SCHIP1: variants seen among roughly 807,000 people sequenced by gnomAD.
SCHIP1 encodes schwannomin interacting protein 1.
A neutral mutation model predicts 29.7 loss-of-function variants in SCHIP1; 8 were observed. That is an observed-to-expected ratio of 0.27 (90% CI 0.16 to 0.49). The LOEUF (loss-of-function observed/expected upper bound fraction) is 0.49, where lower values mean the gene tolerates loss of function less well. Ranked by LOEUF, SCHIP1 falls within the 20% of genes least tolerant of loss-of-function variation. The pLI, the probability that SCHIP1 is intolerant of heterozygous loss-of-function variation, is 0.99. For missense variants in SCHIP1, 193 were observed against 294.6 expected (o/e 0.66, Z 2.52); for synonymous variants, 76 against 94.9 (o/e 0.80, Z 1.16).
the SCHIP1 span, among the ~76,000 whole-genome samples, chr3:159,627,948 T>G: frequency 6.6e-6 from 1 of 152,178 alleles, no homozygotes; most frequent in Non-Finnish European, 1.5e-5. Context: ...GAGGAAAGGG[T>G]TGGGCTTACT....
chr3:159,865,470 C>G (rs1261379412), intron 1 of SCHIP1, among the ~76,000 whole-genome samples: 1 of 152,150 alleles, frequency 6.6e-6, no homozygotes, highest in East Asian at 1.9e-4. Context: ...CTGACCTGAC[C>G]TCCCTTCAAA....
chr3:159,490,773 T>C, the SCHIP1 span, among the ~76,000 whole-genome samples: 1 of 151,814 alleles, frequency 6.6e-6, no homozygotes, highest in African/African-American at 2.4e-5. Context: ...TAGGGTGGAG[T>C]GAGAGGAATT....
chr3:159,707,228 G>C, the SCHIP1 span, among the ~76,000 whole-genome samples: 3 of 152,118 alleles, frequency 2.0e-5, no homozygotes, highest in Non-Finnish European at 4.4e-5. Flanking sequence ...GGAGAAAAGG[G>C]AAGAGCGGTC....
the SCHIP1 span, among the ~76,000 whole-genome samples, chr3:159,554,707 TCTTTC>T: frequency 6.6e-6 from 1 of 152,072 alleles, no homozygotes; most frequent in Non-Finnish European, 1.5e-5. Flanking sequence ...TGATGCCCCT[TCTTTC>T]CTTTGTATCT....
At position 159,876,887 on chromosome 3, in the gene SCHIP1, C is replaced by T. The variant is rs866809181; in HGVS notation, c.150-9320C>T. Among the ~76,000 whole-genome samples, 21 of 152,278 alleles carry T rather than the reference C, an allele frequency of 1.4e-4. No homozygotes were observed. In the Middle Eastern group the frequency reaches 0.01, roughly 74 times the overall value. ...GTGCATCACCTTCCAAGCCATCGTC[C>T]CCCCATCTGCAAGGTTTGATGCTGG... is the stretch of plus-strand genomic sequence containing the variant. On this transcript the variant is annotated intron_variant, in intron 2 of 6. Coordinates refer to ENST00000445224, the Ensembl canonical transcript of SCHIP1.
the SCHIP1 span, among the ~76,000 whole-genome samples, chr3:159,594,787 T>C: frequency 1.3e-4 from 20 of 152,136 alleles, no homozygotes; most frequent in Non-Finnish European, 2.9e-5. Flanking sequence ...AATACACAAA[T>C]TGTTCAGTCT....
At chr3:159,602,615 A>G in the SCHIP1 span, among the ~76,000 whole-genome samples, 2 of 151,948 alleles carry the variant, frequency 1.3e-5, no homozygotes, top group African/African-American at 4.8e-5. Flanking sequence ...AGGCTGAGGC[A>G]GGAGAATTGC....
chr3:159,831,487 A>G, the SCHIP1 span, among the ~76,000 whole-genome samples: 1 of 152,212 alleles, frequency 6.6e-6, no homozygotes, highest in African/African-American at 2.4e-5. Flanking sequence ...ATACATACCT[A>G]TTATAAAGTT....
At chr3:159,349,741 A>G in the SCHIP1 span, among the ~76,000 whole-genome samples, 1 of 152,094 alleles carries the variant, frequency 6.6e-6, no homozygotes, top group East Asian at 1.9e-4. Context: ...TCGGTTCATC[A>G]CCTCTAGGGT....
chr3:159,597,190 A>G, the SCHIP1 span, among the ~76,000 whole-genome samples: 2 of 152,112 alleles, frequency 1.3e-5, no homozygotes, highest in South Asian at 4.1e-4. Context: ...TAAAATATGA[A>G]ATATGGAAAC....
the SCHIP1 span, among the ~76,000 whole-genome samples, chr3:159,713,260 GAA>G: frequency 6.7e-6 from 1 of 148,202 alleles, no homozygotes; most frequent in Non-Finnish European, 1.5e-5. Flanking sequence ...AAGAAAGAAA[GAA>G]AGAAAGAAAG....
At chr3:159,711,377 AAAAAAAAAAAAAAAAAAAAAGAAATTT>A in the SCHIP1 span, among the ~76,000 whole-genome samples, 1 of 79,118 alleles carries the variant, frequency 1.3e-5, no homozygotes, top group South Asian at 3.6e-4. Context: ...AAAAAAAAAA[AAAAAAAAAAAAAAAAAAAAAGAAATTT>A]AAAAAAAAAA....
chr3:159,427,310 C>G, the SCHIP1 span, among the ~76,000 whole-genome samples: 2 of 151,550 alleles, frequency 1.3e-5, no homozygotes, highest in African/African-American at 2.4e-5. Flanking sequence ...CCCATTGTCT[C>G]AGCCCAAAAT....
At chr3:159,714,684 G>C in the SCHIP1 span, among the ~76,000 whole-genome samples, 7 of 152,248 alleles carry the variant, frequency 4.6e-5, no homozygotes, top group South Asian at 1.4e-3. Flanking sequence ...CAAGGCGGCA[G>C]CAAGGCTGGG....
chr3:159,674,934 C>T, the SCHIP1 span, among the ~76,000 whole-genome samples: 1 of 152,160 alleles, frequency 6.6e-6, no homozygotes, highest in Admixed American at 6.5e-5. Context: ...TTGGGAGCAA[C>T]TTTGTGCCAA....
the SCHIP1 span, chr3:159,765,312 G>C: frequency 8.1e-6 from 6 of 739,170 alleles, no homozygotes; most frequent in Non-Finnish European, 1.2e-5. Flanking sequence ...AAGGTTGCTC[G>C]GTCTGTGAGC....
At chr3:159,718,210 T>G in the SCHIP1 span, among the ~76,000 whole-genome samples, 5 of 152,284 alleles carry the variant, frequency 3.3e-5, no homozygotes, top group Admixed American at 3.3e-4. Context: ...CTCAATAAAT[T>G]AGGTATTGAT....
At chr3:159,423,197 C>G in the SCHIP1 span, among the ~76,000 whole-genome samples, 1 of 152,338 alleles carries the variant, frequency 6.6e-6, no homozygotes, top group Non-Finnish European at 1.5e-5. Flanking sequence ...GAGTGCCAGA[C>G]AGTGGGCACA....
At chr3:159,517,894 G>C in the SCHIP1 span, among the ~76,000 whole-genome samples, 2 of 152,052 alleles carry the variant, frequency 1.3e-5, no homozygotes, top group Admixed American at 1.3e-4. Context: ...AGTAAGTGTA[G>C]CTATCAATGC....
Sources: gnomAD v4.1 joint callset for allele counts (sites outside exome capture counted in the v4.1 genomes callset) on GRCh38, gnomAD v4.1.1 for gene constraint, MANE v1.5 for transcripts, NCBI Gene and HGNC (gene_info 2026-07-23, HGNC 2026-07-21) for gene names.